ZCWPW2: variants seen among roughly 807,000 people sequenced by gnomAD.
The protein encoded by ZCWPW2 is zinc finger CW-type PWWP domain protein 2.
A neutral mutation model predicts 46.6 loss-of-function variants in ZCWPW2; 45 were observed. That is an observed-to-expected ratio of 0.96 (90% CI 0.76 to 1.24). The LOEUF (loss-of-function observed/expected upper bound fraction) is 1.24, where lower values mean the gene tolerates loss of function less well. ZCWPW2 is among the 50% of genes most tolerant of loss of function. ZCWPW2 has a pLI of 0.00. For missense variants in ZCWPW2, 429 were observed against 403.9 expected, an observed-to-expected ratio of 1.06 and a Z score of -0.53; for synonymous variants, 152 against 137.1, an observed-to-expected ratio of 1.11 and a Z score of -0.76.
chr3:28,515,000 A>T (rs1488659759), intron 7 of ZCWPW2, among the ~76,000 whole-genome samples: 1 of 152,156 alleles, frequency 6.6e-6, no homozygotes, highest in Non-Finnish European at 1.5e-5. Context: ...AACCCTATCA[A>T]ATTGTTAGGA....
intron 6 of ZCWPW2, among the ~76,000 whole-genome samples, chr3:28,505,028 T>C (rs1700240176): frequency 6.6e-6 from 1 of 152,170 alleles, no homozygotes; most frequent in Admixed American, 6.6e-5. Flanking sequence ...AAGCACCAAG[T>C]CATAGAGCTC....
At chr3:28,511,942 T>C (rs576859508) in intron 6 of ZCWPW2, among the ~76,000 whole-genome samples, 17 of 152,142 alleles carry the variant, frequency 1.1e-4, no homozygotes, top group Non-Finnish European at 2.4e-4. Flanking sequence ...TTTTTCATAA[T>C]CATGGAAATC....
rs952656839 is a variant in ZCWPW2, at chr3:28,524,909, A to AT, written c.*224dup. 5.8e-5 allele frequency: 15 copies of AT among 257,170 alleles called. No homozygotes were observed. The highest frequency in any genetic ancestry group is 8.4e-5 in the Non-Finnish European group (12 of 142,388). The allele number at this position is 257,170 out of a possible 1,614,324, so 15.9% of individuals were successfully genotyped here. On this transcript the variant is annotated 3_prime_UTR_variant, in exon 10 of 10. Transcript: ENST00000383768. ...AAATTTAGAATTAAAAAACCCTGAT[A>AT]TTTGTATTTATATATTTCTTGTTTG... is the stretch of plus-strand genomic sequence containing the variant.
chr3:28,470,448 C>G (rs1372376252), intron 4 of ZCWPW2, among the ~76,000 whole-genome samples: 1 of 147,876 alleles, frequency 6.8e-6, no homozygotes, highest in African/African-American at 2.5e-5. Flanking sequence ...GAGCCGAGAT[C>G]GCGTCACAGC....
intron 3 of ZCWPW2, among the ~76,000 whole-genome samples, chr3:28,433,972 C>G (rs1330586651): frequency 6.8e-6 from 1 of 148,090 alleles, no homozygotes; most frequent in Admixed American, 6.7e-5. Context: ...CTCAGTTTCT[C>G]TTATAATACC....
Position 28,402,393 on chromosome 3 carries a change from G to A in ZCWPW2, c.-13-10663G>A, listed in dbSNP as rs186911350. On this transcript the variant is annotated intron_variant, in intron 2 of 9. Transcript: ENST00000383768. ...TAAATCAGGAAGAATTAGATACCCC[G>A]AATAGACCAATAGCAAGCAGCAACA... 1.7e-3 allele frequency among the ~76,000 whole-genome samples: 266 copies of A among 152,148 alleles called. 1 individual carries two copies. The highest frequency in any genetic ancestry group is 2.7e-3 in the Non-Finnish European group (184 of 67,968).
At chr3:28,371,083 C>G (rs1459418908) in intron 1 of ZCWPW2, among the ~76,000 whole-genome samples, 2 of 152,088 alleles carry the variant, frequency 1.3e-5, no homozygotes, top group African/African-American at 4.8e-5. Context: ...CTTTAAACAT[C>G]AAACATTCTT....
chr3:28,498,608 C>A (rs777967065), intron 6 of ZCWPW2, among the ~76,000 whole-genome samples: 1 of 151,376 alleles, frequency 6.6e-6, no homozygotes, highest in South Asian at 2.1e-4. Context: ...CTCAGACTTA[C>A]AATAGTATCA....
At chr3:28,477,099 A>T (rs1254230264) in intron 4 of ZCWPW2, among the ~76,000 whole-genome samples, 3 of 152,180 alleles carry the variant, frequency 2.0e-5, no homozygotes, top group African/African-American at 4.8e-5. Context: ...GTTTAGTGCT[A>T]TAAGCTTTAA....
chr3:28,488,667 A>C (rs73822646), intron 5 of ZCWPW2, among the ~76,000 whole-genome samples: 4,055 of 152,288 alleles, frequency 0.027, 159 homozygotes, highest in African/African-American at 0.087. Flanking sequence ...CTCATTTAGA[A>C]CATTTTCATT....
chr3:28,412,930 TG>T, intron 2 of ZCWPW2, 125 bp from the exon 3 acceptor site: 1 of 679,156 alleles, frequency 1.5e-6, no homozygotes, highest in African/African-American at 1.8e-5. Flanking sequence ...ATGTAGTCTT[TG>T]TAGGATAGAG....
chr3:28,420,940 A>C (rs984239462), intron 3 of ZCWPW2, among the ~76,000 whole-genome samples: 1 of 152,094 alleles, frequency 6.6e-6, no homozygotes, highest in Non-Finnish European at 1.5e-5. Context: ...GTATCCATTC[A>C]GCTTTTAAAA....
At chr3:28,517,918 C>T (rs1434872038) in intron 8 of ZCWPW2, among the ~76,000 whole-genome samples, 1 of 151,950 alleles carries the variant, frequency 6.6e-6, no homozygotes, top group Non-Finnish European at 1.5e-5. Flanking sequence ...GGTGGATCAC[C>T]TGATGTCAGG....
At chr3:28,409,265 G>A (rs559949393) in intron 2 of ZCWPW2, among the ~76,000 whole-genome samples, 36 of 151,422 alleles carry the variant, frequency 2.4e-4, no homozygotes, top group Admixed American at 1.3e-3. Context: ...GATTACAGGC[G>A]CCTGCCACCA....
At chr3:28,469,168 G>A (rs1380280516) in intron 4 of ZCWPW2, among the ~76,000 whole-genome samples, 1 of 151,876 alleles carries the variant, frequency 6.6e-6, no homozygotes, top group East Asian at 1.9e-4. Context: ...TTAAAATAAT[G>A]GGTTATAATA....
intron 6 of ZCWPW2, among the ~76,000 whole-genome samples, chr3:28,493,095 C>CT (rs11426111): frequency 0.54 from 41,311 of 76,744 alleles, 10,037 homozygotes; most frequent in South Asian, 0.64. Flanking sequence ...CTTGGCTTTT[C>CT]TTTTTTTTTT....
At chr3:28,357,645 T>A (rs1704788277) in intron 1 of ZCWPW2, among the ~76,000 whole-genome samples, 2 of 151,952 alleles carry the variant, frequency 1.3e-5, no homozygotes, top group Non-Finnish European at 2.9e-5. Flanking sequence ...ATTTATAGCA[T>A]TGGCTCTTCT....
Position 28,524,643 on chromosome 3 carries a change from A to G in ZCWPW2, c.1026A>G (p.Ile342Met), listed in dbSNP as rs1408942353. The change falls in exon 10 of 10, where the codon ATA becomes ATG. Residue 342 changes from isoleucine (I) to methionine (M), a missense_variant. Physicochemically the swap from Ile to Met is conservative, Grantham distance 10. Transcript: ENST00000383768. The stretch of plus-strand genomic sequence containing the variant: ...AAGCTGGAGAATGTATTGAGGATAT[A>G]ACTAATAAATTTAAAGAAATAGATG... ...KLKAGECIED[I>M]TNKFKEIDAL... 6.3e-7 allele frequency: 1 copy of G among 1,588,160 alleles called. No homozygotes were observed. The highest frequency in any genetic ancestry group is 8.6e-7 in the Non-Finnish European group (1 of 1,167,220).
intron 2 of ZCWPW2, among the ~76,000 whole-genome samples, chr3:28,401,999 G>A (rs1315723349): frequency 1.3e-5 from 2 of 151,332 alleles, no homozygotes; most frequent in East Asian, 3.9e-4. Context: ...ACAATCTAAG[G>A]TCATACCTCA....
Sources: allele counts gnomAD v4.1 joint callset (sites outside exome capture counted in the v4.1 genomes callset), GRCh38; gene constraint gnomAD v4.1.1; transcripts MANE v1.5; gene names NCBI Gene and HGNC (gene_info 2026-07-23, HGNC 2026-07-21).